CHST3: variants seen among roughly 807,000 people sequenced by gnomAD.
CHST3 encodes C6ST-1.
CHST3 carries 20 observed loss-of-function variants against 35.4 expected under a neutral mutation model. That is an observed-to-expected ratio of 0.57 (90% CI 0.40 to 0.82). The LOEUF (loss-of-function observed/expected upper bound fraction) is 0.82. Among genes scored for constraint, CHST3 ranks in the 40% least tolerant of loss-of-function variants. The pLI is 0.00. For missense variants in CHST3, 693 were observed against 670.1 expected (o/e 1.03, Z -0.38); for synonymous variants, 334 against 295.9 (o/e 1.13, Z -1.32).
chr10:71,966,123 G>GT (rs777386820), intron 1 of CHST3, among the ~76,000 whole-genome samples: 10 of 152,112 alleles, frequency 6.6e-5, no homozygotes, highest in Non-Finnish European at 1.3e-4. Context: ...AGAGGGGTGG[G>GT]TAAGTGGAGA....
In CHST3 at chr10:72,012,458, G is replaced by A. The variant is rs56218110; in HGVS notation, c.*3987G>A. The A allele has an allele frequency of 0.19, 29,236 of 152,428 alleles. 3,506 individuals carry two copies. Among genetic ancestry groups the A allele is most frequent in the African/African-American group, 0.34 (14,081 of 41,446 alleles). 9.4% of individuals were successfully genotyped at this position (152,428 alleles called of 1,614,324 possible). ...GAGCCCAAGAGTTGGAGACCAGCCTGGGCAACATGGTGAGACCAATTGACT... is the reference window on the plus strand; with the variant it reads ...GAGCCCAAGAGTTGGAGACCAGCCTAGGCAACATGGTGAGACCAATTGACT... On this transcript the variant is annotated 3_prime_UTR_variant, in exon 3 of 3. Transcript: ENST00000373115.
intron 1 of CHST3, among the ~76,000 whole-genome samples, chr10:71,985,127 G>A (rs1391970360): frequency 6.6e-6 from 1 of 152,258 alleles, no homozygotes; most frequent in Non-Finnish European, 1.5e-5. Context: ...CAGAGTGCCT[G>A]TGCTGCGCAG....
At chr10:71,966,165 G>T (rs1839630533) in intron 1 of CHST3, among the ~76,000 whole-genome samples, 1 of 152,162 alleles carries the variant, frequency 6.6e-6, no homozygotes, top group Non-Finnish European at 1.5e-5. Flanking sequence ...GGCATGTGCT[G>T]GGGGTAGGAG....
intron 1 of CHST3, among the ~76,000 whole-genome samples, chr10:71,994,259 C>G (rs1839921262): frequency 6.7e-6 from 1 of 149,948 alleles, no homozygotes; most frequent in South Asian, 2.1e-4. Context: ...AGTAAGAAAA[C>G]CCTGTCTCAA....
chr10:72,006,750 C>G (rs1189776454), intron 2 of CHST3, among the ~76,000 whole-genome samples: 2 of 149,896 alleles, frequency 1.3e-5, no homozygotes, highest in African/African-American at 5.1e-5. Context: ...CACCGTCAAT[C>G]CCCCCCCTTG....
At chr10:71,988,741 A>G (rs34576849) in intron 1 of CHST3, among the ~76,000 whole-genome samples, 3,052 of 152,242 alleles carry the variant, frequency 0.02, 41 homozygotes, top group Non-Finnish European at 0.033. Context: ...ATCTATACAC[A>G]CAGCAGACAT....
intron 1 of CHST3, among the ~76,000 whole-genome samples, chr10:71,983,088 G>A (rs1306298340): frequency 6.6e-6 from 1 of 152,248 alleles, no homozygotes; most frequent in African/African-American, 2.4e-5. Context: ...AGGAAGGGGA[G>A]GGGTGGAGAC....
At position 72,008,713 on chromosome 10, in the gene CHST3, G is replaced by C. The variant is rs529477443; in HGVS notation, c.*242G>C. ...CAACGGGTTGCAGCCTCCTGAGCAG[G>C]CCTAGGCAGGCCCGGGCCTGTTGGC... On this transcript the variant is annotated 3_prime_UTR_variant, in exon 3 of 3. Transcript: ENST00000373115. 6.1e-6 allele frequency: 4 copies of C among 656,434 alleles called. No individual in the cohort carries two copies. Among genetic ancestry groups the C allele is most frequent in the South Asian group, 3.4e-5 (1 of 29,036 alleles). The allele number at this position is 656,434 out of a possible 1,614,324, so 40.7% of individuals were successfully genotyped here. A position where few individuals can be genotyped will look rare whatever the true frequency, so the allele number is the denominator to read the frequency against.
intron 1 of CHST3, among the ~76,000 whole-genome samples, chr10:71,995,453 C>T (rs1050289914): frequency 4.0e-5 from 6 of 151,268 alleles, no homozygotes; most frequent in Admixed American, 1.3e-4. Context: ...ATTTGTCTTT[C>T]GCACTCACAG....
rs1455145362 is a variant in CHST3, at chr10:71,964,428, C to G, written c.-374C>G. The G allele has an allele frequency of 6.6e-6, 1 of 152,234 alleles. No individual in the cohort carries two copies. Among genetic ancestry groups the G allele is most frequent in the Non-Finnish European group, 1.5e-5 (1 of 68,046 alleles). The allele number at this position is 152,234 out of a possible 1,614,324, so 9.4% of individuals were successfully genotyped here. A position where few individuals can be genotyped will look rare whatever the true frequency, so the allele number is the denominator to read the frequency against. On this transcript the variant is annotated 5_prime_UTR_variant, in exon 1 of 3. Transcript: ENST00000373115. ...GCTCGGGCCTGAGCGGGGAGGGCGC[C>G]AGGCAGGACCTCTCGCAGGCTCGCT...
chr10:72,009,091 A>G lies in CHST3; in HGVS notation c.*620A>G, dbSNP rs976638149. 1 of 152,718 alleles carries G rather than the reference A, an allele frequency of 6.5e-6. No homozygotes were observed. The highest frequency in any genetic ancestry group is 6.5e-5 in the Admixed American group (1 of 15,324). The allele number at this position is 152,718 out of a possible 1,614,324, so 9.5% of individuals were successfully genotyped here. Reference sequence around the variant, plus strand: ...CCTTATAGAGCTGCAAAACACACACATGCGTATAGACATACATACATGTAC... The same window carrying G: ...CCTTATAGAGCTGCAAAACACACACGTGCGTATAGACATACATACATGTAC... On this transcript the variant is annotated 3_prime_UTR_variant, in exon 3 of 3. Transcript: ENST00000373115.
Position 72,012,132 on chromosome 10 carries a change from C to CT in CHST3, c.*3662dup, listed in dbSNP as rs1333655865. On this transcript the variant is annotated 3_prime_UTR_variant, in exon 3 of 3. Transcript: ENST00000373115. ...TCAGCCTGGGAGCTACTGCCAGAGG[C>CT]TGGCGTAGTGGGGCAGCTGCTGACC... 6.6e-6 allele frequency: 1 copy of CT among 152,232 alleles called. No individual in the cohort carries two copies. Among genetic ancestry groups the CT allele is most frequent in the Non-Finnish European group, 1.5e-5 (1 of 68,044 alleles). The allele number at this position is 152,232 out of a possible 1,614,324, so 9.4% of individuals were successfully genotyped here.
At chr10:71,982,229 T>C (rs1325735910) in intron 1 of CHST3, among the ~76,000 whole-genome samples, 2 of 152,158 alleles carry the variant, frequency 1.3e-5, no homozygotes, top group Non-Finnish European at 2.9e-5. Context: ...GCAGAAGATT[T>C]GACTACAGAA....
At chr10:71,996,894 G>A (rs1839944657) in intron 1 of CHST3, among the ~76,000 whole-genome samples, 2 of 152,104 alleles carry the variant, frequency 1.3e-5, no homozygotes, top group South Asian at 2.1e-4. Flanking sequence ...ATTTTCCTGG[G>A]TTGGTTGGTT....
intron 1 of CHST3, among the ~76,000 whole-genome samples, chr10:72,001,467 G>GT (rs1473101626): frequency 6.8e-6 from 1 of 146,078 alleles, no homozygotes; most frequent in Non-Finnish European, 1.5e-5. Context: ...AGGTTTTTTT[G>GT]TTTTTTGGGT....
At chr10:71,974,602 G>A (rs1357983019) in intron 1 of CHST3, among the ~76,000 whole-genome samples, 1 of 152,178 alleles carries the variant, frequency 6.6e-6, no homozygotes, top group Non-Finnish European at 1.5e-5. Flanking sequence ...GGGAGGACTG[G>A]AGGCTACAGC....
At chr10:71,971,480 C>CGCCTGT (rs1444730346) in intron 1 of CHST3, among the ~76,000 whole-genome samples, 3 of 152,194 alleles carry the variant, frequency 2.0e-5, no homozygotes, top group Non-Finnish European at 2.9e-5. Flanking sequence ...CGCCGATGCC[C>CGCCTGT]GCCTGTGCCT....
chr10:71,977,104 C>T (rs1839752772), intron 1 of CHST3, among the ~76,000 whole-genome samples: 1 of 152,226 alleles, frequency 6.6e-6, no homozygotes, highest in African/African-American at 2.4e-5. Flanking sequence ...GGGCCCCCTG[C>T]AGCGTCCAGC....
intron 1 of CHST3, among the ~76,000 whole-genome samples, chr10:71,992,376 C>T (rs970924154): frequency 1.3e-5 from 2 of 152,148 alleles, no homozygotes; most frequent in Non-Finnish European, 1.5e-5. Flanking sequence ...CACAGTCTCA[C>T]TATGTTTCCC....
Sources: allele counts gnomAD v4.1 joint callset (sites outside exome capture counted in the v4.1 genomes callset), GRCh38; gene constraint gnomAD v4.1.1; transcripts MANE v1.5; gene names NCBI Gene and HGNC (gene_info 2026-07-23, HGNC 2026-07-21).